Variants in LCLAT1 observed in about 807,000 individuals in gnomAD.
The protein encoded by LCLAT1 is lysocardiolipin acyltransferase 1, also known as 1-AGP acyltransferase 8.
Under a neutral mutation model 30.7 loss-of-function variants are expected in LCLAT1, and 11 were observed. The observed-to-expected ratio is 0.36, with a 90% CI of 0.23 to 0.59. The LOEUF is 0.59. Ranked by LOEUF, LCLAT1 falls within the 20% of genes least tolerant of loss-of-function variation. The pLI is 0.77. For missense variants in LCLAT1, 402 were observed against 458.6 expected (o/e 0.88, Z 1.13); for synonymous variants, 155 against 151.3 (o/e 1.02, Z -0.18).
At position 30,633,833 on chromosome 2, in the gene LCLAT1, T is replaced by C. The variant is rs148973680; in HGVS notation, c.629-6284T>C. Reference sequence around the variant, plus strand: ...TGTCATTGAACTATATAATTGGATCTGATACTTAGGCATGAGCAAACCAGG... The same window carrying C: ...TGTCATTGAACTATATAATTGGATCCGATACTTAGGCATGAGCAAACCAGG... On this transcript the variant is annotated intron_variant, in intron 5 of 5. Coordinates refer to ENST00000379509, the MANE Select transcript of LCLAT1 (RefSeq NM_001002257.3). 3.3e-4 allele frequency among the ~76,000 whole-genome samples: 50 copies of C among 152,352 alleles called. No homozygotes were observed. In the East Asian group the frequency reaches 8.5e-3, roughly 26 times the overall value.
At chr2:30,499,203 G>T (rs1390122785) in intron 1 of LCLAT1, among the ~76,000 whole-genome samples, 1 of 152,176 alleles carries the variant, frequency 6.6e-6, no homozygotes, top group African/African-American at 2.4e-5. Context: ...TTTGGAGACG[G>T]AGTTTCGCTC....
intron 1 of LCLAT1, among the ~76,000 whole-genome samples, chr2:30,505,190 T>C (rs376030538): frequency 6.6e-6 from 1 of 152,284 alleles, no homozygotes; most frequent in East Asian, 1.9e-4. Context: ...GGGTAAATAC[T>C]AAGAGGGAAT....
chr2:30,602,930 GA>G (rs1222873966), intron 5 of LCLAT1, among the ~76,000 whole-genome samples: 27 of 152,050 alleles, frequency 1.8e-4, no homozygotes, highest in Non-Finnish European at 5.9e-5. Flanking sequence ...AGGAACAGCG[GA>G]ACAGTAATTT....
At chr2:30,621,764 C>G (rs1368394692) in intron 5 of LCLAT1, among the ~76,000 whole-genome samples, 4 of 152,038 alleles carry the variant, frequency 2.6e-5, no homozygotes, top group Admixed American at 6.6e-5. Flanking sequence ...ACTCTCATTC[C>G]CAGGGAAGCC....
chr2:30,465,814 G>A (rs540250322), intron 1 of LCLAT1, among the ~76,000 whole-genome samples: 1 of 152,232 alleles, frequency 6.6e-6, no homozygotes, highest in Non-Finnish European at 1.5e-5. Context: ...GGACAATAAA[G>A]TGTATTTATT....
chr2:30,574,147 AAAT>A (rs915968229), intron 5 of LCLAT1, among the ~76,000 whole-genome samples: 1 of 151,878 alleles, frequency 6.6e-6, no homozygotes, highest in Non-Finnish European at 1.5e-5. Flanking sequence ...TGTCTCAAAA[AAAT>A]AATAATAATA....
chr2:30,487,782 T>A (rs1310607299), intron 1 of LCLAT1, among the ~76,000 whole-genome samples: 1 of 152,108 alleles, frequency 6.6e-6, no homozygotes, highest in Non-Finnish European at 1.5e-5. Flanking sequence ...GGCTAAGTGC[T>A]GAACCAGGAG....
intron 5 of LCLAT1, among the ~76,000 whole-genome samples, chr2:30,619,792 G>GT (rs1668157985): frequency 6.6e-6 from 1 of 152,106 alleles, no homozygotes; most frequent in African/African-American, 2.4e-5. Context: ...TTCCCTTTAA[G>GT]TTTTTCCCCC....
At chr2:30,494,929 G>A (rs372842118) in intron 1 of LCLAT1, among the ~76,000 whole-genome samples, 3 of 148,712 alleles carry the variant, frequency 2.0e-5, no homozygotes, top group East Asian at 3.9e-4. Context: ...TTCGTTTCAC[G>A]ATATAACCAT....
intron 1 of LCLAT1, among the ~76,000 whole-genome samples, chr2:30,449,187 C>G (rs1681418741): frequency 6.6e-6 from 1 of 152,166 alleles, no homozygotes; most frequent in Non-Finnish European, 1.5e-5. Context: ...TACCACCATG[C>G]CTACTATCTT....
At chr2:30,466,982 C>T (rs1482140618) in intron 1 of LCLAT1, among the ~76,000 whole-genome samples, 1 of 152,090 alleles carries the variant, frequency 6.6e-6, no homozygotes, top group African/African-American at 2.4e-5. Flanking sequence ...GGTGCATGTG[C>T]ACAACGTGCA....
chr2:30,457,372 G>A (rs575565522), intron 1 of LCLAT1, among the ~76,000 whole-genome samples: 1 of 152,318 alleles, frequency 6.6e-6, no homozygotes, highest in African/African-American at 2.4e-5. Context: ...AATAGCTTCA[G>A]TGGAACCCAG....
chr2:30,591,190 A>G (rs879306435), intron 5 of LCLAT1, among the ~76,000 whole-genome samples: 5 of 152,308 alleles, frequency 3.3e-5, no homozygotes, highest in Admixed American at 3.3e-4. Flanking sequence ...TGTTATAGCT[A>G]TTGAGGAAAA....
At chr2:30,602,673 A>G (rs1558548833) in intron 5 of LCLAT1, among the ~76,000 whole-genome samples, 1 of 152,100 alleles carries the variant, frequency 6.6e-6, no homozygotes, top group Non-Finnish European at 1.5e-5. Context: ...TCCTCTCTAT[A>G]TATTATGCAC....
At chr2:30,617,159 C>G (rs1668032821) in intron 5 of LCLAT1, among the ~76,000 whole-genome samples, 2 of 152,128 alleles carry the variant, frequency 1.3e-5, no homozygotes. Flanking sequence ...TCCATCACCC[C>G]CAAAGGTTTT....
At chr2:30,623,680 A>G (rs1297879290) in intron 5 of LCLAT1, among the ~76,000 whole-genome samples, 1 of 152,200 alleles carries the variant, frequency 6.6e-6, no homozygotes, top group Admixed American at 6.5e-5. Flanking sequence ...AAAAGTTTGG[A>G]AAACATTTGA....
At chr2:30,509,814 T>G (rs539067931) in intron 1 of LCLAT1, among the ~76,000 whole-genome samples, 1 of 152,236 alleles carries the variant, frequency 6.6e-6, no homozygotes, top group Admixed American at 6.5e-5. Flanking sequence ...TCCACCCGCC[T>G]TGGCCTTTCA....
chr2:30,586,627 A>G (rs925182095), intron 5 of LCLAT1, among the ~76,000 whole-genome samples: 2 of 152,112 alleles, frequency 1.3e-5, no homozygotes, highest in Admixed American at 1.3e-4. Flanking sequence ...ACTCTTCAAC[A>G]CAGTACGGTT....
In LCLAT1 at chr2:30,640,107, C is replaced by T. The variant is rs890813090; in HGVS notation, c.629-10C>T. ...TGCTTAATCTATGTTTTCATCTTTT[C>T]GAAACCCAGGTAAGAACCTTGATGC... On this transcript the variant is annotated splice_polypyrimidine_tract_variant and intron_variant, in intron 5 of 5. Transcript: ENST00000379509. The T allele has an allele frequency of 1.7e-5, 27 of 1,599,012 alleles. No individual in the cohort carries two copies. The highest frequency in any genetic ancestry group is 4.0e-5 in the African/African-American group (3 of 74,474).
Sources: allele counts gnomAD v4.1 joint callset (sites outside exome capture counted in the v4.1 genomes callset), GRCh38; gene constraint gnomAD v4.1.1; transcripts MANE v1.5; gene names NCBI Gene and HGNC (gene_info 2026-07-23, HGNC 2026-07-21).